Variants in STK26 observed in about 807,000 individuals in gnomAD.
STK26 encodes the protein serine/threonine-protein kinase 26.
A neutral mutation model predicts 34.7 loss-of-function variants in STK26; 14 were observed. The observed-to-expected ratio is 0.40, with a 90% CI of 0.27 to 0.63. The LOEUF is 0.63. Among genes scored for constraint, STK26 ranks in the 30% least tolerant of loss-of-function variants. STK26 has a pLI of 0.38. For missense variants in STK26, 226 were observed against 309.1 expected (o/e 0.73, Z 2.02); for synonymous variants, 100 against 109.8 (o/e 0.91, Z 0.56).
chrX:132,062,722 A>G (rs1336262365), intron 3 of STK26, among the ~76,000 whole-genome samples: 1 of 112,221 alleles, frequency 8.9e-6, no homozygotes, highest in Non-Finnish European at 1.9e-5. Context: ...TAATGTAACT[A>G]TCTTTTCTTT....
Position 132,074,569 on chromosome X carries a change from A to T in STK26, c.*410A>T, listed in dbSNP as rs190158958. 457 of 113,039 alleles carry T rather than the reference A, an allele frequency of 4.0e-3. No individual in the cohort carries two copies. Among genetic ancestry groups the T allele is most frequent in the Middle Eastern group, 0.018 (4 of 228 alleles). 9.3% of individuals were successfully genotyped at this position (113,039 alleles called of 1,213,427 possible). ...CAAGCTTCAAAAAGCTTTTTTTTTT[A>T]AAAAAAAACATGCATATTCTAAAAA... On this transcript the variant is annotated 3_prime_UTR_variant, in exon 12 of 12. Transcript: ENST00000394334.
chrX:132,071,042 A>G, intron 7 of STK26, 27 bp from the exon 8 acceptor site: 1 of 1,187,178 alleles, frequency 8.4e-7, no homozygotes, highest in African/African-American at 1.8e-5. Flanking sequence ...CAATTGTCAT[A>G]TGCAGCCTTG....
At chrX:132,047,366 T>C (rs1162861510) in intron 2 of STK26, among the ~76,000 whole-genome samples, 3 of 112,228 alleles carry the variant, frequency 2.7e-5, no homozygotes, top group Non-Finnish European at 5.6e-5. Flanking sequence ...ATTTGAACAA[T>C]TCTAGGCCTG....
intron 4 of STK26, among the ~76,000 whole-genome samples, chrX:132,065,740 G>A (rs5933058): frequency 0.33 from 36,619 of 110,881 alleles, 4,744 homozygotes; most frequent in African/African-American, 0.43. Flanking sequence ...AATATTGGGC[G>A]GCCCTTTAGC....
In STK26 at chrX:132,072,980, C is replaced by T. The variant is rs371247497; in HGVS notation, c.1113C>T (p.Asn371=). 2.9e-5 allele frequency: 35 copies of T among 1,208,839 alleles called. No homozygotes were observed. The highest frequency in any genetic ancestry group is 3.6e-5 in the Non-Finnish European group (32 of 894,515). Residue 371 remains asparagine (N), a synonymous_variant, in exon 11 of 12, where the codon AAC becomes AAT. Transcript: ENST00000394334. The part of the protein sequence containing the change: ...FAELKQQDEN[N]ASRNQAIEEL... The stretch of plus-strand genomic sequence containing the variant: ...AGCTTAAACAGCAGGACGAGAATAA[C>T]GCTAGCAGGAATCAGGCGATTGAAG...
intron 2 of STK26, among the ~76,000 whole-genome samples, chrX:132,038,369 C>G (rs1406857952): frequency 1.8e-5 from 2 of 111,384 alleles, no homozygotes; most frequent in Non-Finnish European, 3.8e-5. Context: ...GTGACATTTA[C>G]ATAATTAATT....
rs148969612 is a variant in STK26, at chrX:132,043,693, G to A, written c.43-10938G>A. On this transcript the variant is annotated intron_variant, in intron 2 of 11. Coordinates refer to ENST00000394334, the MANE Select transcript of STK26 (RefSeq NM_016542.4). ...GGTATGCAAACTGTGGCTCTTCAAG[G>A]CCTCTAATCTTTGCATTAGAGTATG... Among the ~76,000 whole-genome samples, 718 of 111,285 alleles carry A rather than the reference G, an allele frequency of 6.5e-3. 5 individuals are homozygous for A. The highest frequency in any genetic ancestry group is 0.022 in the African/African-American group (668 of 30,595).
chrX:132,069,410 CATATATATATATATATATAT>C (rs57609807), intron 6 of STK26, 48 bp from the exon 7 acceptor site: 2,406 of 91,697 alleles, frequency 0.026, 135 homozygotes, highest in Middle Eastern at 0.052. Flanking sequence ...CATACATACA[CATATATATATATATATATAT>C]ATATATATAT....
At chrX:132,048,550 T>G (rs781227396) in intron 2 of STK26, among the ~76,000 whole-genome samples, 89 of 112,072 alleles carry the variant, frequency 7.9e-4, no homozygotes, top group African/African-American at 2.8e-3. Context: ...TTTGAACAAT[T>G]TGTAACCTCT....
rs561602079 is a variant in STK26, at chrX:132,034,292, C to CTTTTTTTTTT, written c.42+10656_42+10665dup. Among the ~76,000 whole-genome samples, 312 of 41,371 alleles carry CTTTTTTTTTT rather than the reference C, an allele frequency of 7.5e-3. 51 individuals carry two copies. Among genetic ancestry groups the CTTTTTTTTTT allele is most frequent in the Admixed American group, 0.013 (24 of 1,912 alleles). 35.9% of individuals were successfully genotyped at this position (41,371 alleles called of 115,157 possible). A position where few individuals can be genotyped will look rare whatever the true frequency, so the allele number is the denominator to read the frequency against. ...TGAATGCCAGAATGAGACATTTATT[C>CTTTTTTTTTT]TTTTTTTTTTTTTTTTTTTTTTTTT... On this transcript the variant is annotated intron_variant, in intron 2 of 11. Transcript: ENST00000394334.
intron 2 of STK26, among the ~76,000 whole-genome samples, chrX:132,044,755 TTATA>T (rs778564863): frequency 2.1e-5 from 1 of 47,908 alleles, no homozygotes; most frequent in Non-Finnish European, 3.9e-5. Flanking sequence ...ATATATATAT[TTATA>T]TATATATAGA....
intron 2 of STK26, among the ~76,000 whole-genome samples, chrX:132,026,927 G>A (rs765616282): frequency 4.5e-5 from 5 of 112,269 alleles, no homozygotes; most frequent in Non-Finnish European, 9.4e-5. Context: ...TTATCTAAGT[G>A]GTGGGAAACA....
At chrX:132,047,889 C>A (rs894900117) in intron 2 of STK26, among the ~76,000 whole-genome samples, 2 of 111,546 alleles carry the variant, frequency 1.8e-5, no homozygotes, top group South Asian at 3.7e-4. Flanking sequence ...TTTTTATATT[C>A]CACATGTGAG....
chrX:132,051,474 C>T (rs780771602), intron 2 of STK26, among the ~76,000 whole-genome samples: 1 of 111,466 alleles, frequency 9.0e-6, no homozygotes, highest in Non-Finnish European at 1.9e-5. Context: ...AGCAGTTCCT[C>T]CTATTTGACA....
chrX:132,025,055 CCTT>C (rs1258172890), intron 2 of STK26, among the ~76,000 whole-genome samples: 1 of 111,486 alleles, frequency 9.0e-6, no homozygotes, highest in African/African-American at 3.3e-5. Flanking sequence ...CTCCTTCCCT[CCTT>C]CTTTTCCCCA....
chrX:132,030,173 T>C (rs1442236316), intron 2 of STK26, among the ~76,000 whole-genome samples: 1 of 112,118 alleles, frequency 8.9e-6, no homozygotes, highest in Admixed American at 9.5e-5. Flanking sequence ...AAAACATTCT[T>C]GTAACTAATC....
intron 3 of STK26, among the ~76,000 whole-genome samples, chrX:132,060,045 C>T (rs994956095): frequency 1.8e-5 from 2 of 111,916 alleles, no homozygotes; most frequent in East Asian, 2.8e-4. Context: ...TAATATAATA[C>T]ACCTCTAAGA....
chrX:132,041,580 C>T (rs1926266856), intron 2 of STK26, among the ~76,000 whole-genome samples: 1 of 110,476 alleles, frequency 9.1e-6, no homozygotes, highest in Non-Finnish European at 1.9e-5. Flanking sequence ...TGTCATTTAT[C>T]TCCATCCTGA....
intron 2 of STK26, among the ~76,000 whole-genome samples, chrX:132,035,286 A>G (rs997615439): frequency 4.5e-5 from 5 of 111,244 alleles, no homozygotes; most frequent in Non-Finnish European, 9.4e-5. Flanking sequence ...TCTCATGGTC[A>G]CCCATGACTT....
Sources: gnomAD v4.1 joint callset for allele counts (sites outside exome capture counted in the v4.1 genomes callset) on GRCh38, gnomAD v4.1.1 for gene constraint, MANE v1.5 for transcripts, NCBI Gene and HGNC (gene_info 2026-07-23, HGNC 2026-07-21) for gene names.